The following LTBP1 variants were observed in gnomAD, a reference collection of about 807,000 sequenced individuals.
The protein encoded by LTBP1 is latent-transforming growth factor beta-binding protein 1.
A neutral mutation model predicts 207.6 loss-of-function variants in LTBP1; 129 were observed. The ratio of observed to expected loss-of-function variants is 0.62; its 90% CI spans 0.54 to 0.72. The LOEUF (loss-of-function observed/expected upper bound fraction) is 0.72. Ranked by LOEUF, LTBP1 falls within the 30% of genes least tolerant of loss-of-function variation. The pLI is 0.00. For missense variants in LTBP1, 2,281 were observed against 2,217.2 expected (o/e 1.03, Z -0.58); for synonymous variants, 963 against 833.7 (o/e 1.16, Z -2.67).
rs553926633 is a variant in LTBP1 at position 33,204,470 on chromosome 2, C to G, written c.1702-13082C>G. 2.2e-4 allele frequency among the ~76,000 whole-genome samples: 33 copies of G among 152,320 alleles called. No homozygotes were observed. In the South Asian group the frequency reaches 6.8e-3, roughly 32 times the overall value. ...TTTTAAACAAAGAGAGCAATGCCTC[C>G]AAGATGATCACTTTGCAGAAGACTG... On this transcript the variant is annotated intron_variant, in intron 7 of 33. Coordinates refer to ENST00000404816, the MANE Select transcript of LTBP1 (RefSeq NM_206943.4).
At chr2:33,157,900 G>T (rs1179337869) in intron 5 of LTBP1, among the ~76,000 whole-genome samples, 1 of 152,150 alleles carries the variant, frequency 6.6e-6, no homozygotes, top group African/African-American at 2.4e-5. Flanking sequence ...CCAGCACTTT[G>T]GGAAGCCAAG....
chr2:33,297,666 C>T (rs976462675), intron 20 of LTBP1, among the ~76,000 whole-genome samples: 1 of 151,978 alleles, frequency 6.6e-6, no homozygotes, highest in Non-Finnish European at 1.5e-5. Context: ...CCTTGTGATC[C>T]GCCCACCTCG....
chr2:33,205,005 A>G (rs962551003), intron 7 of LTBP1, among the ~76,000 whole-genome samples: 1 of 152,214 alleles, frequency 6.6e-6, no homozygotes, highest in African/African-American at 2.4e-5. Context: ...GGAGACTACC[A>G]AGGTGTCTTT....
At chr2:33,380,730 C>G (rs754649188) in intron 31 of LTBP1, among the ~76,000 whole-genome samples, 1 of 151,750 alleles carries the variant, frequency 6.6e-6, no homozygotes, top group Non-Finnish European at 1.5e-5. Flanking sequence ...TTTTGTTTCT[C>G]TTGACTTTTT....
intron 2 of LTBP1, among the ~76,000 whole-genome samples, chr2:33,008,894 A>G (rs1352798844): frequency 6.6e-6 from 1 of 152,258 alleles, no homozygotes; most frequent in East Asian, 1.9e-4. Context: ...GGACACAGCC[A>G]GTGCAAGGCC....
At chr2:33,170,359 A>C (rs2085313778) in intron 5 of LTBP1, among the ~76,000 whole-genome samples, 1 of 134,946 alleles carries the variant, frequency 7.4e-6, no homozygotes, top group Admixed American at 7.7e-5. Flanking sequence ...TATATCCCGC[A>C]CCTGGCTCAG....
intron 9 of LTBP1, among the ~76,000 whole-genome samples, chr2:33,230,500 A>T (rs1342247490): frequency 6.6e-6 from 1 of 152,192 alleles, no homozygotes; most frequent in African/African-American, 2.4e-5. Flanking sequence ...TTCATTTATC[A>T]TAACAAACAA....
At position 33,052,568 on chromosome 2, in the gene LTBP1, A is replaced by G. The variant is rs551151053; in HGVS notation, c.863+31362A>G. On this transcript the variant is annotated intron_variant, in intron 3 of 33. Transcript: ENST00000404816. Reference sequence around the variant, plus strand: ...TTGGCAACTACATATTTTGTTGGCAATAAACTTATTGTCTAAAAGAAAATG... The same window carrying G: ...TTGGCAACTACATATTTTGTTGGCAGTAAACTTATTGTCTAAAAGAAAATG... 3.3e-5 allele frequency among the ~76,000 whole-genome samples: 5 copies of G among 152,370 alleles called. No homozygotes were observed. The South Asian group carries it at 6.2e-4, about 19-fold the overall frequency.
At chr2:33,115,916 C>T (rs78701538) in intron 4 of LTBP1, among the ~76,000 whole-genome samples, 1,566 of 152,262 alleles carry the variant, frequency 0.01, 18 homozygotes, top group East Asian at 0.016. Flanking sequence ...CTACATCATA[C>T]TATGTGCTGA....
chr2:33,398,095 C>G (rs2034694), intron 33 of LTBP1, among the ~76,000 whole-genome samples: 50,579 of 151,950 alleles, frequency 0.33, 10,092 homozygotes, highest in East Asian at 0.53. Flanking sequence ...TATAGTTCCT[C>G]CAACTTCCTT....
At chr2:33,116,769 C>A (rs112647336) in intron 4 of LTBP1, among the ~76,000 whole-genome samples, 4 of 149,988 alleles carry the variant, frequency 2.7e-5, no homozygotes, top group African/African-American at 9.8e-5. Flanking sequence ...TCCAAACACA[C>A]AGTACCATTA....
At chr2:33,106,537 T>C (rs925759224) in intron 3 of LTBP1, among the ~76,000 whole-genome samples, 3 of 152,206 alleles carry the variant, frequency 2.0e-5, no homozygotes, top group Non-Finnish European at 4.4e-5. Flanking sequence ...TTAACTTTTT[T>C]ATACATCTCA....
At chr2:33,262,144 A>T (rs914329548) in intron 13 of LTBP1, among the ~76,000 whole-genome samples, 1 of 152,254 alleles carries the variant, frequency 6.6e-6, no homozygotes, top group East Asian at 1.9e-4. Flanking sequence ...TCTCCAAGCC[A>T]GCACATTTCT....
intron 31 of LTBP1, among the ~76,000 whole-genome samples, chr2:33,381,903 G>A (rs2095218706): frequency 6.6e-6 from 1 of 151,994 alleles, no homozygotes; most frequent in Admixed American, 6.6e-5. Flanking sequence ...TTTCTTATTG[G>A]AAACAAAAGG....
chr2:32,973,831 CTG>C (rs1681301982), intron 2 of LTBP1, among the ~76,000 whole-genome samples: 1 of 152,154 alleles, frequency 6.6e-6, no homozygotes, highest in Non-Finnish European at 1.5e-5. Context: ...CCACAAATAA[CTG>C]AGAACATGTG....
intron 3 of LTBP1, among the ~76,000 whole-genome samples, chr2:33,053,200 T>A (rs574246330): frequency 5.0e-4 from 76 of 152,276 alleles, no homozygotes; most frequent in Admixed American, 1.1e-3. Flanking sequence ...AGGGCAGTTT[T>A]AGGTTCACAG....
intron 2 of LTBP1, among the ~76,000 whole-genome samples, chr2:32,995,216 C>T (rs140094913): frequency 2.6e-4 from 39 of 151,892 alleles, no homozygotes; most frequent in Non-Finnish European, 4.4e-4. Context: ...ATGACTGTTA[C>T]TCATAGCGAG....
chr2:33,253,614 C>T (rs1181290140), intron 11 of LTBP1, among the ~76,000 whole-genome samples: 1 of 152,168 alleles, frequency 6.6e-6, no homozygotes, highest in Non-Finnish European at 1.5e-5. Flanking sequence ...TACTCAATTG[C>T]ATGTTTGATA....
chr2:33,039,403 T>A (rs1258281645), intron 3 of LTBP1, among the ~76,000 whole-genome samples: 1 of 152,202 alleles, frequency 6.6e-6, no homozygotes, highest in Non-Finnish European at 1.5e-5. Context: ...TTGGTAGCTT[T>A]GGTAGCTATA....
Sources: allele counts gnomAD v4.1 joint callset (sites outside exome capture counted in the v4.1 genomes callset), GRCh38; gene constraint gnomAD v4.1.1; transcripts MANE v1.5; gene names NCBI Gene and HGNC (gene_info 2026-07-23, HGNC 2026-07-21).